Variants in PLEKHM3 observed in about 807,000 individuals in gnomAD.
PLEKHM3 encodes the protein pleckstrin homology domain-containing family M member 3.
In PLEKHM3, 45 loss-of-function variants were observed where a neutral mutation model predicts 81.8. The observed-to-expected ratio is 0.55, with a 90% confidence interval of 0.43 to 0.71. PLEKHM3 has a LOEUF of 0.71. PLEKHM3 is among the 30% of genes least tolerant of loss of function. The pLI is 0.00. For synonymous variants in PLEKHM3, 352 were observed against 356.4 expected (o/e 0.99, Z 0.14); for missense variants, 788 against 924.3 (o/e 0.85, Z 1.91).
chr2:207,973,340 A>G (rs1217915335), intron 3 of PLEKHM3, among the ~76,000 whole-genome samples: 1 of 152,238 alleles, frequency 6.6e-6, no homozygotes, highest in Non-Finnish European at 1.5e-5. Flanking sequence ...CTCCCAGGTA[A>G]TTTAAAAAAC....
At chr2:207,894,948 T>C (rs1365632154) in intron 6 of PLEKHM3, among the ~76,000 whole-genome samples, 1 of 152,152 alleles carries the variant, frequency 6.6e-6, no homozygotes, top group Non-Finnish European at 1.5e-5. Flanking sequence ...TATAGGGCTA[T>C]TGTGTGGATT....
chr2:207,906,520 G>A (rs932915142), intron 6 of PLEKHM3, among the ~76,000 whole-genome samples: 2 of 152,214 alleles, frequency 1.3e-5, no homozygotes, highest in African/African-American at 4.8e-5. Context: ...AGGGAGCAGA[G>A]GCTCACACCT....
Position 207,828,123 on chromosome 2 carries a change from T to C in PLEKHM3, c.*196A>G. 2.8e-6 allele frequency: 1 copy of C among 359,998 alleles called. No individual in the cohort carries two copies. Among genetic ancestry groups the C allele is most frequent in the Non-Finnish European group, 4.8e-6 (1 of 209,644 alleles). 22.3% of individuals were successfully genotyped at this position (359,998 alleles called of 1,614,324 possible). A position where few individuals can be genotyped will look rare whatever the true frequency, so the allele number is the denominator to read the frequency against. On this transcript the variant is annotated 3_prime_UTR_variant, in exon 8 of 8. Coordinates refer to ENST00000427836, the MANE Select transcript of PLEKHM3 (RefSeq NM_001080475.3). Reference sequence around the variant, plus strand: ...AGCCACAGAGGTTCTGTGGATCGTCTGGACAATGATGTACACAGAGCATAC... The same window carrying C: ...AGCCACAGAGGTTCTGTGGATCGTCCGGACAATGATGTACACAGAGCATAC...
intron 5 of PLEKHM3, among the ~76,000 whole-genome samples, chr2:207,912,499 T>C (rs986943979): frequency 2.0e-5 from 3 of 152,188 alleles, no homozygotes; most frequent in Non-Finnish European, 2.9e-5. Flanking sequence ...ACCCAGCTTA[T>C]TGTGTCTGGA....
intron 2 of PLEKHM3, among the ~76,000 whole-genome samples, chr2:207,984,391 T>C (rs1691643911): frequency 6.6e-6 from 1 of 152,174 alleles, no homozygotes; most frequent in Non-Finnish European, 1.5e-5. Context: ...TTGTCTCAAA[T>C]ATTTCTTTTT....
chr2:207,939,810 T>G (rs1244947704), intron 4 of PLEKHM3, among the ~76,000 whole-genome samples: 1 of 152,200 alleles, frequency 6.6e-6, no homozygotes, highest in African/African-American at 2.4e-5. Context: ...TTCCTTCATG[T>G]AAGTGATACT....
chr2:207,968,697 G>A (rs968045644), intron 3 of PLEKHM3, among the ~76,000 whole-genome samples: 1 of 152,136 alleles, frequency 6.6e-6, no homozygotes, highest in Non-Finnish European at 1.5e-5. Flanking sequence ...TTCACCTAAG[G>A]ACTCTACTAT....
chr2:208,019,137 CAA>C (rs5838102), intron 1 of PLEKHM3, among the ~76,000 whole-genome samples: 16 of 147,904 alleles, frequency 1.1e-4, no homozygotes, highest in Admixed American at 3.3e-4. Flanking sequence ...CCCATCTCTA[CAA>C]AAAAAAAAAA....
chr2:207,972,080 C>G (rs892937663), intron 3 of PLEKHM3, among the ~76,000 whole-genome samples: 3 of 152,212 alleles, frequency 2.0e-5, no homozygotes, highest in Non-Finnish European at 4.4e-5. Flanking sequence ...CATGTCTTCC[C>G]TAGTGGACTG....
intron 6 of PLEKHM3, among the ~76,000 whole-genome samples, chr2:207,896,511 G>T (rs10497888): frequency 0.24 from 36,805 of 152,146 alleles, 4,566 homozygotes; most frequent in Middle Eastern, 0.3. Flanking sequence ...TATTTTCAGA[G>T]GTAAGCTGTG....
chr2:207,948,378 C>CA (rs1358985326), intron 3 of PLEKHM3, among the ~76,000 whole-genome samples: 15 of 90,948 alleles, frequency 1.6e-4, no homozygotes, highest in African/African-American at 6.2e-4. Flanking sequence ...TTTTTTGAGA[C>CA]AGAGTCTCAC....
At chr2:207,842,199 G>T (rs969805022) in intron 7 of PLEKHM3, among the ~76,000 whole-genome samples, 2 of 152,238 alleles carry the variant, frequency 1.3e-5, no homozygotes, top group African/African-American at 4.8e-5. Context: ...CTCCCAAAGT[G>T]CTGGGATTAC....
chr2:208,018,138 G>A (rs1692988872), intron 1 of PLEKHM3, among the ~76,000 whole-genome samples: 1 of 152,120 alleles, frequency 6.6e-6, no homozygotes, highest in African/African-American at 2.4e-5. Flanking sequence ...ACTTTGGGAG[G>A]CCAAGGCGGG....
intron 3 of PLEKHM3, among the ~76,000 whole-genome samples, chr2:207,974,368 A>G (rs1691230600): frequency 6.6e-6 from 1 of 152,202 alleles, no homozygotes; most frequent in South Asian, 2.1e-4. Context: ...CTACGAATGC[A>G]GTGCAGAGCA....
chr2:208,002,415 A>T (rs770010066), intron 1 of PLEKHM3, among the ~76,000 whole-genome samples: 2 of 152,162 alleles, frequency 1.3e-5, no homozygotes, highest in Non-Finnish European at 2.9e-5. Flanking sequence ...GCAGAGAAGG[A>T]GGTTCTGCCC....
chr2:207,999,309 T>C (rs901444192), intron 2 of PLEKHM3, among the ~76,000 whole-genome samples: 5 of 151,402 alleles, frequency 3.3e-5, no homozygotes, highest in Non-Finnish European at 5.9e-5. Context: ...CATCAAGTCC[T>C]GTGCTTTAAA....
At chr2:207,963,546 C>G (rs1690810232) in intron 3 of PLEKHM3, among the ~76,000 whole-genome samples, 1 of 152,148 alleles carries the variant, frequency 6.6e-6, no homozygotes, top group Admixed American at 6.5e-5. Flanking sequence ...TCACTATAGT[C>G]ATCTTGGTGA....
chr2:208,007,071 G>A (rs1239203070), intron 1 of PLEKHM3, among the ~76,000 whole-genome samples: 4 of 152,130 alleles, frequency 2.6e-5, no homozygotes, highest in South Asian at 2.1e-4. Flanking sequence ...CGGTAAAAGC[G>A]CTGACTTCCT....
chr2:208,006,404 A>T (rs1190865497), intron 1 of PLEKHM3, among the ~76,000 whole-genome samples: 1 of 152,254 alleles, frequency 6.6e-6, no homozygotes, highest in East Asian at 1.9e-4. Flanking sequence ...TTGCCTCAGT[A>T]CAAAACTGGA....
Sources: gnomAD v4.1 joint callset for allele counts (sites outside exome capture counted in the v4.1 genomes callset) on GRCh38, gnomAD v4.1.1 for gene constraint, MANE v1.5 for transcripts, NCBI Gene and HGNC (gene_info 2026-07-23, HGNC 2026-07-21) for gene names.